Variants in ACTR8 observed in about 807,000 individuals in gnomAD.
ACTR8 encodes the protein actin-related protein 8.
ACTR8 carries 70 observed loss-of-function variants against 84.3 expected under a neutral mutation model. The observed-to-expected ratio is 0.83, with a 90% CI of 0.68 to 1.01. The LOEUF (loss-of-function observed/expected upper bound fraction) is 1.01, where lower values mean the gene tolerates loss of function less well. Ranked by LOEUF, ACTR8 falls within the 50% of genes least tolerant of loss-of-function variation. The pLI, the probability that ACTR8 is intolerant of heterozygous loss-of-function variation, is 0.00. For synonymous variants in ACTR8, 268 were observed against 275.2 expected (o/e 0.97, Z 0.26); for missense variants, 672 against 775.4 (o/e 0.87, Z 1.58).
At position 53,877,758 on chromosome 3, in the gene ACTR8, A is replaced by G; in HGVS notation, c.406-7T>C. On this transcript the variant is annotated splice_polypyrimidine_tract_variant and splice_region_variant and intron_variant, in intron 3 of 12. Transcript: ENST00000335754. The stretch of plus-strand genomic sequence containing the variant: ...GCTTATTGTAGGAGCGTGCCTGAAA[A>G]GAAAAACCATCAGAAAATTATCTCA... 1.2e-5 allele frequency: 19 copies of G among 1,611,962 alleles called. No individual in the cohort carries two copies. The highest frequency in any genetic ancestry group is 1.6e-5 in the Non-Finnish European group (19 of 1,178,294).
chr3:53,860,259 A>G, the ACTR8 span: 2 of 1,537,912 alleles, frequency 1.3e-6, no homozygotes, highest in Non-Finnish European at 1.8e-6. Flanking sequence ...AAGACATCCT[A>G]GTAAGGAAAT....
At chr3:53,876,526 T>C (rs1699976246) in intron 6 of ACTR8, 94 bp downstream of exon 6, 1 of 753,418 alleles carries the variant, frequency 1.3e-6, no homozygotes. Context: ...CTCAAATAAA[T>C]AAATAAATAA....
rs1478251231 is a variant in ACTR8, at chr3:53,870,356, A to C, written c.1568-211T>G. On this transcript the variant is annotated intron_variant, in intron 11 of 12. Transcript: ENST00000335754. The surrounding 1 kb of genome is among the most constrained non-coding windows in gnomAD (Gnocchi z 4.1). ...CAATCCTACTTGCAGGATTAGGATC[A>C]AAATCTTTAAAGGAGGCCGAGCATG... The C allele has an allele frequency of 1.7e-6, 1 of 588,822 alleles. No homozygotes were observed. The highest frequency in any genetic ancestry group is 3.0e-6 in the Non-Finnish European group (1 of 338,312). 36.5% of individuals were successfully genotyped at this position (588,822 alleles called of 1,614,324 possible). A position where few individuals can be genotyped will look rare whatever the true frequency, so the allele number is the denominator to read the frequency against.
chr3:53,872,965 TTC>T, intron 9 of ACTR8, 65 bp downstream of exon 9: 1 of 1,243,614 alleles, frequency 8.0e-7, no homozygotes, highest in Admixed American at 2.0e-5. Context: ...CAAGGGCATA[TTC>T]TCTCAGTTTG....
downstream of ACTR8, among the ~76,000 whole-genome samples, chr3:53,866,737 T>C (rs1430242998): frequency 6.6e-6 from 1 of 152,170 alleles, no homozygotes; most frequent in African/African-American, 2.4e-5. Flanking sequence ...CACCTCAGCC[T>C]CTCAAAGTGC....
intron 1 of ACTR8, 130 bp from the exon 2 acceptor site, chr3:53,880,239 T>C: frequency 1.0e-6 from 1 of 969,248 alleles, no homozygotes; most frequent in Non-Finnish European, 1.5e-6. Context: ...TAAAGTTCTT[T>C]GAGAAGTATC....
downstream of ACTR8, among the ~76,000 whole-genome samples, chr3:53,862,270 C>T (rs552286264): frequency 6.6e-6 from 1 of 152,194 alleles, no homozygotes; most frequent in African/African-American, 2.4e-5. Flanking sequence ...ATTGGGAGGC[C>T]ATAAGGACCT....
chr3:53,862,719 A>T (rs1018554102), downstream of ACTR8, among the ~76,000 whole-genome samples: 16 of 152,204 alleles, frequency 1.1e-4, no homozygotes, highest in African/African-American at 3.9e-4. Context: ...ACATTAAACA[A>T]TCTGGCAGGT....
At chr3:53,860,278 G>C in the ACTR8 span, 1 of 1,494,426 alleles carries the variant, frequency 6.7e-7, no homozygotes, top group Non-Finnish European at 9.2e-7. Flanking sequence ...ATAACATTTT[G>C]AATTTTTTTT....
rs1334963354 is a variant in ACTR8 at position 53,870,844 on chromosome 3, G to T, written c.1567+388C>A. On this transcript the variant is annotated intron_variant, in intron 11 of 12. Transcript: ENST00000335754. This position sits in a 1 kb window ranked among gnomAD's most constrained non-coding sequence, Gnocchi z 4.1. ...TCTCTCAAGGTCTGCCTTCCTCAAG[G>T]AAGCTTTCCCTGCCTCCCACCTTCC... Among the ~76,000 whole-genome samples the T allele has an allele frequency of 6.6e-6, 1 of 152,026 alleles. No individual in the cohort carries two copies. The highest frequency in any genetic ancestry group is 1.5e-5 in the Non-Finnish European group (1 of 68,020).
the ACTR8 span, chr3:53,861,466 A>G: frequency 6.6e-6 from 1 of 152,240 alleles, no homozygotes; most frequent in African/African-American, 2.4e-5. Context: ...ACCAGCAGAC[A>G]TGAAAACCTT....
At chr3:53,864,605 G>A (rs1351025224), downstream of ACTR8, 4 of 675,234 alleles carry the variant, frequency 5.9e-6, no homozygotes, top group African/African-American at 7.2e-5. Context: ...ACATCAGGAT[G>A]TTTTTCCTTG....
At chr3:53,865,538 T>C (rs709324), downstream of ACTR8, 183,929 of 488,604 alleles carry the variant, frequency 0.38, 36,873 homozygotes, top group East Asian at 0.68. Context: ...TCAATTACAG[T>C]TTTAATTGAA....
chr3:53,869,506 G>A (rs1411830592), intron 12 of ACTR8, among the ~76,000 whole-genome samples: 2 of 152,134 alleles, frequency 1.3e-5, no homozygotes, highest in Admixed American at 1.3e-4. Context: ...AAAAGAAATA[G>A]GAACATTTCC....
chr3:53,881,667 G>T (rs1161637385), intron 1 of ACTR8: 1 of 473,778 alleles, frequency 2.1e-6, no homozygotes, highest in East Asian at 4.3e-5. Flanking sequence ...GGTTATCACC[G>T]TGGTCGTTTT....
At chr3:53,880,319 T>C (rs527730753) in intron 1 of ACTR8, among the ~76,000 whole-genome samples, 3 of 152,342 alleles carry the variant, frequency 2.0e-5, no homozygotes, top group Non-Finnish European at 4.4e-5. Flanking sequence ...TTATAGTACA[T>C]AGCTCAACAA....
At chr3:53,864,772 A>G, downstream of ACTR8, 2 of 1,610,580 alleles carry the variant, frequency 1.2e-6, no homozygotes, top group East Asian at 4.5e-5. Flanking sequence ...TTCCTTTTCT[A>G]CCACCACACT....
chr3:53,881,866 C>T (rs916863863), intron 1 of ACTR8, 113 bp downstream of exon 1: 3 of 1,501,942 alleles, frequency 2.0e-6, no homozygotes, highest in South Asian at 1.2e-5. Flanking sequence ...CTCCCCCCAC[C>T]AGGGGCTGGG....
At chr3:53,877,997 C>T (rs550306115) in intron 3 of ACTR8, among the ~76,000 whole-genome samples, 2 of 152,326 alleles carry the variant, frequency 1.3e-5, no homozygotes, top group African/African-American at 4.8e-5. Context: ...CTAAACGCTG[C>T]TTAAAGCTGA....
Sources: gnomAD v4.1 joint callset for allele counts (sites outside exome capture counted in the v4.1 genomes callset) on GRCh38, gnomAD v4.1.1 for gene constraint, Gnocchi (gnomAD v3.1) non-coding constraint, MANE v1.5 for transcripts, NCBI Gene and HGNC (gene_info 2026-07-23, HGNC 2026-07-21) for gene names.